ESR1: variants seen among roughly 807,000 people sequenced by gnomAD.
ESR1 encodes estrogen receptor.
Under a neutral mutation model 52.7 loss-of-function variants are expected in ESR1, and 12 were observed. That is an observed-to-expected ratio of 0.23 (90% CI 0.15 to 0.37). ESR1 has a LOEUF of 0.37. Among genes scored for constraint, ESR1 ranks in the 10% least tolerant of loss-of-function variants. The pLI, the probability that ESR1 is intolerant of heterozygous loss-of-function variation, is 1.00. For synonymous variants in ESR1, 305 were observed against 316.8 expected (o/e 0.96, Z 0.39); for missense variants, 584 against 779.7 (o/e 0.75, Z 2.99).
intron 2 of ESR1, among the ~76,000 whole-genome samples, chr6:151,795,655 A>T (rs1355918432): frequency 1.3e-5 from 2 of 152,166 alleles, no homozygotes; most frequent in Non-Finnish European, 2.9e-5. Flanking sequence ...TACAGGCGTT[A>T]TGAAGGCATT....
chr6:152,124,728 A>C (rs1237014869), intron 6 of ESR1, among the ~76,000 whole-genome samples: 1 of 152,234 alleles, frequency 6.6e-6, no homozygotes, highest in Non-Finnish European at 1.5e-5. Context: ...AATATAGTAG[A>C]ACATAAAAGA....
intron 3 of ESR1, among the ~76,000 whole-genome samples, chr6:151,905,919 T>G (rs1797371547): frequency 6.6e-6 from 1 of 152,182 alleles, no homozygotes. Context: ...GGCAATAGAT[T>G]AATACATGAA....
At chr6:151,763,531 A>G (rs1784815046) in intron 2 of ESR1, among the ~76,000 whole-genome samples, 2 of 152,104 alleles carry the variant, frequency 1.3e-5, no homozygotes, top group Admixed American at 1.3e-4. Context: ...TAGGGGTGGA[A>G]TGGGGTGGTG....
rs146160733 is a variant in ESR1, at chr6:151,794,051, G to T, written c.-70-13792G>T. ...AAATCGTGATCGAGTGTAACAAAAT[G>T]GGGAAGGGAGGGTTAGCATAAACTC... On this transcript the variant is annotated intron_variant, in intron 2 of 2. Coordinates refer to the ESR1 transcript ENST00000404742. Among the ~76,000 whole-genome samples the T allele has an allele frequency of 3.8e-3, 577 of 152,354 alleles. 4 individuals carry two copies. The highest frequency in any genetic ancestry group is 0.01 in the Middle Eastern group (3 of 294).
chr6:151,820,891 TTTGCATGTGAAACC>T (rs1318340765), intron 1 of ESR1, among the ~76,000 whole-genome samples: 22 of 152,308 alleles, frequency 1.4e-4, no homozygotes, highest in African/African-American at 5.3e-4. Flanking sequence ...TAGGAATTTC[TTTGCATGTGAAACC>T]CATCTGAGAA....
intron 2 of ESR1, among the ~76,000 whole-genome samples, chr6:151,853,706 G>A (rs35682769): frequency 6.6e-6 from 1 of 152,094 alleles, no homozygotes; most frequent in East Asian, 1.9e-4. Context: ...GTTTTTAATC[G>A]CTGGTGTTTT....
At chr6:151,701,179 G>A (rs915802763) in intron 1 of ESR1, among the ~76,000 whole-genome samples, 3 of 150,978 alleles carry the variant, frequency 2.0e-5, no homozygotes, top group African/African-American at 7.3e-5. Context: ...TTCTGCTGCT[G>A]CACATGTGAT....
In ESR1 at chr6:152,044,562, C is replaced by T. The variant is rs533620605; in HGVS notation, c.1236-16429C>T. ...TCCCAAAACCTCAAAACTAGGGAAG[C>T]CGACAGTGCGGCCTTCAGTCTCTGG... is the stretch of plus-strand genomic sequence containing the variant. On this transcript the variant is annotated intron_variant, in intron 5 of 7. Coordinates refer to ENST00000206249, the MANE Select transcript of ESR1 (RefSeq NM_000125.4). Among the ~76,000 whole-genome samples the T allele has an allele frequency of 6.5e-5, 9 of 139,100 alleles. No homozygotes were observed. In the South Asian group the frequency reaches 1.0e-3, roughly 16 times the overall value. 91.3% of individuals were successfully genotyped at this position (139,100 alleles called of 152,430 possible).
At chr6:151,807,642 G>A (rs1177304749), upstream of ESR1, 4 of 579,598 alleles carry the variant, frequency 6.9e-6, no homozygotes, top group African/African-American at 1.9e-5. Context: ...ATATGAGCTC[G>A]GGAGACCAGT....
intron 6 of ESR1, among the ~76,000 whole-genome samples, chr6:152,075,646 A>C (rs1434475029): frequency 6.6e-6 from 1 of 152,200 alleles, no homozygotes; most frequent in African/African-American, 2.4e-5. Flanking sequence ...GGGAAAATAC[A>C]TTTGAAGGTT....
intron 4 of ESR1, among the ~76,000 whole-genome samples, chr6:152,001,073 C>T (rs2128744183): frequency 6.6e-6 from 1 of 152,110 alleles, no homozygotes; most frequent in East Asian, 1.9e-4. Flanking sequence ...GTTGAACTAG[C>T]AAGATATGGG....
intron 6 of ESR1, among the ~76,000 whole-genome samples, chr6:152,088,051 C>T (rs2049882451): frequency 6.6e-6 from 1 of 152,006 alleles, no homozygotes. Flanking sequence ...TTTGACTACT[C>T]TTAAATGAAA....
At position 151,785,533 on chromosome 6, in the gene ESR1, C is replaced by A. The variant is rs535490726; in HGVS notation, c.-70-22310C>A. Among the ~76,000 whole-genome samples the A allele has an allele frequency of 1.4e-4, 22 of 152,278 alleles. No homozygotes were observed. In the East Asian group the frequency reaches 4.2e-3, roughly 29 times the overall value. ...TTCCTACCTCACATGCTCTGAGGGG[C>A]TGGCAGCTTTTCTGGGAAGGTAAAA... On this transcript the variant is annotated intron_variant, in intron 2 of 2. Transcript: ENST00000404742.
rs768695968 is a variant in ESR1, at chr6:151,808,275, G to C, written c.363G>C (p.Leu121=). 6.3e-7 allele frequency: 1 copy of C among 1,586,764 alleles called. No homozygotes were observed. Among genetic ancestry groups the C allele is most frequent in the Non-Finnish European group, 8.6e-7 (1 of 1,167,836 alleles). ...CGCCGCCGCAGCTGTCGCCTTTCCT[G>C]CAGCCCCACGGCCAGCAGGTGCCCT... ...LHPPPQLSPF[L]QPHGQQVPYY... Residue 121 remains leucine (L), a synonymous_variant, in exon 1 of 8, where the codon CTG becomes CTC. Transcript: ENST00000206249.
At chr6:151,876,979 A>G (rs1322453595) in intron 2 of ESR1, among the ~76,000 whole-genome samples, 1 of 151,802 alleles carries the variant, frequency 6.6e-6, no homozygotes, top group Admixed American at 6.5e-5. Context: ...AAAAAAACAC[A>G]CACACACACA....
At chr6:151,869,591 A>G (rs979131584) in intron 2 of ESR1, among the ~76,000 whole-genome samples, 2 of 152,132 alleles carry the variant, frequency 1.3e-5, no homozygotes, top group Non-Finnish European at 2.9e-5. Flanking sequence ...TGCAGATGGT[A>G]AGTTAGAGGT....
At chr6:151,713,479 TG>T (rs1334288330) in intron 2 of ESR1, among the ~76,000 whole-genome samples, 1 of 152,244 alleles carries the variant, frequency 6.6e-6, no homozygotes, top group Non-Finnish European at 1.5e-5. Context: ...GGGCTTTTTT[TG>T]GTTGGTAGGC....
rs2128155148 is a variant in ESR1, at chr6:151,807,916, A to G, written c.4A>G (p.Thr2Ala). 1 of 1,613,612 alleles carries G rather than the reference A, an allele frequency of 6.2e-7. No homozygotes were observed. Among genetic ancestry groups the G allele is most frequent in the East Asian group, 2.2e-5 (1 of 44,840 alleles). The change falls in exon 1 of 8, where the codon ACC becomes GCC. Residue 2 changes from threonine (T) to alanine (A), a missense_variant. Thr to Ala is a moderately conservative substitution (Grantham distance 58, BLOSUM62 0). This residue lies in a region of ESR1 where 251 missense variants were observed against 246.1 expected (regional missense o/e 1.02). Transcript: ENST00000206249. ...ACCCTGCCCGCGGCCACGGACCATG[A>G]CCATGACCCTCCACACCAAAGCATC... M[T>A]MTLHTKASGM...
At chr6:152,076,419 A>G (rs532991824) in intron 6 of ESR1, among the ~76,000 whole-genome samples, 1 of 152,308 alleles carries the variant, frequency 6.6e-6, no homozygotes, top group African/African-American at 2.4e-5. Flanking sequence ...AGTCTTGGGT[A>G]TGTCTTTATC....
Sources: gnomAD v4.1 joint callset for allele counts (sites outside exome capture counted in the v4.1 genomes callset) on GRCh38, gnomAD v4.1.1 for gene constraint, gnomAD v4.1.1 regional missense constraint, MANE v1.5 for transcripts, NCBI Gene and HGNC (gene_info 2026-07-23, HGNC 2026-07-21) for gene names.